EPHA6: variants seen among roughly 807,000 people sequenced by gnomAD.
EPHA6 encodes EPH receptor A6.
In EPHA6, 50 loss-of-function variants were observed where a neutral mutation model predicts 112.0. The observed-to-expected ratio is 0.45, with a 90% CI of 0.36 to 0.56. The LOEUF is 0.56. Ranked by LOEUF, EPHA6 falls within the 20% of genes least tolerant of loss-of-function variation. EPHA6 has a pLI of 0.00. For synonymous variants in EPHA6, 529 were observed against 490.7 expected, an observed-to-expected ratio of 1.08 and a Z score of -1.03; for missense variants, 1,280 against 1,417.4, an observed-to-expected ratio of 0.90 and a Z score of 1.56.
chr3:97,590,083 T>C (rs1404438078), intron 11 of EPHA6: 1 of 152,208 alleles, frequency 6.6e-6, no homozygotes, highest in Admixed American at 6.6e-5. Flanking sequence ...CTTACTTTAG[T>C]GTTTCATGCA....
At chr3:97,529,505 A>C (rs1328536971) in intron 10 of EPHA6, among the ~76,000 whole-genome samples, 2 of 152,100 alleles carry the variant, frequency 1.3e-5, no homozygotes, top group Non-Finnish European at 2.9e-5. Flanking sequence ...AGTATATATA[A>C]ATGTTCACAG....
chr3:96,911,010 G>T (rs1294003252), intron 2 of EPHA6, among the ~76,000 whole-genome samples: 2 of 151,830 alleles, frequency 1.3e-5, no homozygotes, highest in Non-Finnish European at 2.9e-5. Context: ...TGTTTACTTT[G>T]ATATATTTGC....
intron 3 of EPHA6, among the ~76,000 whole-genome samples, chr3:97,216,917 G>A (rs1018229862): frequency 1.3e-5 from 2 of 152,148 alleles, no homozygotes; most frequent in African/African-American, 4.8e-5. Context: ...GACTCAAGCA[G>A]TCTGATTTTT....
chr3:96,853,250 C>T (rs1212759983), intron 1 of EPHA6, among the ~76,000 whole-genome samples: 1 of 151,938 alleles, frequency 6.6e-6, no homozygotes, highest in Non-Finnish European at 1.5e-5. Flanking sequence ...TCTAATAGAA[C>T]AGAAACTTTA....
At chr3:97,191,388 T>C (rs1441321930) in intron 3 of EPHA6, among the ~76,000 whole-genome samples, 4 of 152,008 alleles carry the variant, frequency 2.6e-5, no homozygotes, top group Admixed American at 2.6e-4. Flanking sequence ...AATGACCCTG[T>C]TGTGCTATCA....
At chr3:97,285,685 G>T (rs1325299474) in intron 5 of EPHA6, among the ~76,000 whole-genome samples, 1 of 152,068 alleles carries the variant, frequency 6.6e-6, no homozygotes, top group Non-Finnish European at 1.5e-5. Flanking sequence ...TGAACATGGG[G>T]TGCAAATATC....
chr3:96,941,371 T>C (rs2040934179), intron 2 of EPHA6, among the ~76,000 whole-genome samples: 1 of 152,190 alleles, frequency 6.6e-6, no homozygotes, highest in African/African-American at 2.4e-5. Flanking sequence ...ACTGATACCC[T>C]TTCTTCCAGT....
chr3:97,310,901 G>C (rs181724974), intron 5 of EPHA6, among the ~76,000 whole-genome samples: 1 of 151,648 alleles, frequency 6.6e-6, no homozygotes. Flanking sequence ...AAAAATCCAT[G>C]TTCTTTGTAC....
intron 2 of EPHA6, among the ~76,000 whole-genome samples, chr3:96,931,269 G>A (rs188345712): frequency 3.3e-5 from 5 of 151,918 alleles, no homozygotes; most frequent in African/African-American, 1.2e-4. Flanking sequence ...GAGGAGGAAT[G>A]GATCAGGGTC....
At chr3:97,073,683 TA>T (rs762086250) in intron 3 of EPHA6, among the ~76,000 whole-genome samples, 2 of 152,114 alleles carry the variant, frequency 1.3e-5, no homozygotes, top group African/African-American at 4.8e-5. Flanking sequence ...CATATGATCG[TA>T]AAGCATATGA....
chr3:97,565,699 A>G (rs1033670577), intron 11 of EPHA6, among the ~76,000 whole-genome samples: 5 of 152,112 alleles, frequency 3.3e-5, no homozygotes, highest in Non-Finnish European at 7.4e-5. Context: ...TTATAAAGGA[A>G]TATCTGAGAC....
intron 2 of EPHA6, among the ~76,000 whole-genome samples, chr3:96,915,367 T>A (rs2039433421): frequency 6.6e-6 from 1 of 152,060 alleles, no homozygotes; most frequent in South Asian, 2.1e-4. Context: ...AAGTAAACCA[T>A]TGTTCCCTAG....
At chr3:97,584,733 A>G (rs1324211069) in intron 11 of EPHA6, among the ~76,000 whole-genome samples, 4 of 152,196 alleles carry the variant, frequency 2.6e-5, no homozygotes, top group Non-Finnish European at 1.5e-5. Context: ...AGGAAAGATC[A>G]TGAAGGCATG....
chr3:97,141,881 G>T (rs1300915863), intron 3 of EPHA6, among the ~76,000 whole-genome samples: 1 of 151,846 alleles, frequency 6.6e-6, no homozygotes, highest in African/African-American at 2.4e-5. Flanking sequence ...AGATACAAAG[G>T]ATTAACCCTT....
At chr3:97,559,187 A>G (rs72930181) in intron 11 of EPHA6, among the ~76,000 whole-genome samples, 5 of 152,138 alleles carry the variant, frequency 3.3e-5, no homozygotes, top group African/African-American at 1.2e-4. Context: ...AATTTTCACA[A>G]TACACATAAC....
At chr3:97,472,652 AT>A (rs2091260833) in intron 7 of EPHA6, among the ~76,000 whole-genome samples, 1 of 151,804 alleles carries the variant, frequency 6.6e-6, no homozygotes, top group African/African-American at 2.4e-5. Flanking sequence ...TTATTTCCAT[AT>A]GGCAAATCTT....
intron 3 of EPHA6, among the ~76,000 whole-genome samples, chr3:97,153,604 G>C (rs990400381): frequency 6.6e-6 from 1 of 151,796 alleles, no homozygotes; most frequent in African/African-American, 2.4e-5. Context: ...TAGAGCTCCA[G>C]GGACTAAAAA....
intron 2 of EPHA6, among the ~76,000 whole-genome samples, chr3:96,984,596 T>C (rs556180520): frequency 3.4e-4 from 52 of 152,318 alleles, no homozygotes; most frequent in Middle Eastern, 3.4e-3. Context: ...ACAGGGACAT[T>C]TAAGTCTGCA....
At chr3:97,417,371 T>C (rs1418938240) in intron 6 of EPHA6, among the ~76,000 whole-genome samples, 1 of 152,090 alleles carries the variant, frequency 6.6e-6, no homozygotes, top group African/African-American at 2.4e-5. Context: ...TAAATGATTG[T>C]ATGAATGAAC....
Sources: gnomAD v4.1 joint callset for allele counts (sites outside exome capture counted in the v4.1 genomes callset) on GRCh38, gnomAD v4.1.1 for gene constraint, MANE v1.5 for transcripts, NCBI Gene and HGNC (gene_info 2026-07-23, HGNC 2026-07-21) for gene names.